The following ADARB2 variants were observed in gnomAD, a reference collection of about 807,000 sequenced individuals.
ADARB2 encodes adenosine deaminase RNA specific B2 (inactive).
A neutral mutation model predicts 62.2 loss-of-function variants in ADARB2; 25 were observed. The ratio of observed to expected loss-of-function variants is 0.40; its 90% confidence interval spans 0.29 to 0.56. The LOEUF (loss-of-function observed/expected upper bound fraction) is 0.56. Ranked by LOEUF, ADARB2 falls within the 20% of genes least tolerant of loss-of-function variation. ADARB2 has a pLI of 0.43. For missense variants in ADARB2, 1,071 were observed against 1,077.4 expected (o/e 0.99, Z 0.08); for synonymous variants, 572 against 500.8 (o/e 1.14, Z -1.90).
chr10:1,498,430 GGAAAA>G (rs759319038), intron 1 of ADARB2, among the ~76,000 whole-genome samples: 5 of 151,232 alleles, frequency 3.3e-5, no homozygotes, highest in East Asian at 1.9e-4. Context: ...TAAAAACAAA[GGAAAA>G]GAAAAGAAAA....
chr10:1,472,165 G>A (rs1457504384), intron 1 of ADARB2, among the ~76,000 whole-genome samples: 4 of 152,176 alleles, frequency 2.6e-5, no homozygotes, highest in African/African-American at 9.7e-5. Flanking sequence ...CTTCTTTACA[G>A]CAAACTCATG....
At chr10:1,454,233 G>C (rs770239189) in intron 1 of ADARB2, among the ~76,000 whole-genome samples, 2 of 152,154 alleles carry the variant, frequency 1.3e-5, no homozygotes, top group African/African-American at 2.4e-5. Context: ...GCATGGGAAA[G>C]ACCCACCCCC....
At chr10:1,313,394 G>A (rs1831709463) in intron 3 of ADARB2, among the ~76,000 whole-genome samples, 1 of 152,220 alleles carries the variant, frequency 6.6e-6, no homozygotes, top group South Asian at 2.1e-4. Context: ...ATGGCAGAAT[G>A]TTCATGAGGC....
rs549762529 is a variant in ADARB2 at position 1,310,776 on chromosome 10, C to G, written c.1078-39707G>C. 7.9e-5 allele frequency among the ~76,000 whole-genome samples: 12 copies of G among 152,306 alleles called. No homozygotes were observed. In the East Asian group the frequency reaches 1.7e-3, roughly 22 times the overall value. On this transcript the variant is annotated intron_variant, in intron 3 of 9. Coordinates refer to ENST00000381312, the MANE Select transcript of ADARB2 (RefSeq NM_018702.4). ...AATCTCCTGTCCCGTTTCACTCTGACTCTCGTTTCCCCAAGGAAGAGGCAG... is the reference window on the plus strand; with the variant it reads ...AATCTCCTGTCCCGTTTCACTCTGAGTCTCGTTTCCCCAAGGAAGAGGCAG...
chr10:1,362,272 G>T (rs1207137574), intron 3 of ADARB2, among the ~76,000 whole-genome samples: 2 of 152,204 alleles, frequency 1.3e-5, no homozygotes, highest in East Asian at 3.8e-4. Flanking sequence ...CGGGCTCTTG[G>T]GCCCCTGTGC....
At chr10:1,204,230 C>T (rs1050029496) in intron 7 of ADARB2, among the ~76,000 whole-genome samples, 1 of 152,180 alleles carries the variant, frequency 6.6e-6, no homozygotes, top group African/African-American at 2.4e-5. Context: ...GCCACTCAGA[C>T]CTATTCTGGG....
At chr10:1,552,040 G>A (rs536051205) in intron 1 of ADARB2, among the ~76,000 whole-genome samples, 49 of 152,178 alleles carry the variant, frequency 3.2e-4, no homozygotes, top group Middle Eastern at 3.4e-3. Flanking sequence ...CCCTCCTCCC[G>A]CATGTGGCCT....
chr10:1,327,625 C>T (rs1198893764), intron 3 of ADARB2, among the ~76,000 whole-genome samples: 12 of 95,464 alleles, frequency 1.3e-4, no homozygotes, highest in South Asian at 6.2e-4. Context: ...CAGCGCCTCC[C>T]CACGGCACAG....
chr10:1,589,032 C>T (rs950227279), intron 1 of ADARB2, among the ~76,000 whole-genome samples: 1 of 152,194 alleles, frequency 6.6e-6, no homozygotes, highest in African/African-American at 2.4e-5. Flanking sequence ...CGACCTAAGG[C>T]TCTTTGTCTT....
chr10:1,470,106 T>A (rs1831302038), intron 1 of ADARB2, among the ~76,000 whole-genome samples: 1 of 152,176 alleles, frequency 6.6e-6, no homozygotes, highest in Non-Finnish European at 1.5e-5. Flanking sequence ...CCCAGGGTCA[T>A]CTGACCTGAC....
At chr10:1,500,787 A>AT (rs1247644790) in intron 1 of ADARB2, among the ~76,000 whole-genome samples, 6 of 152,224 alleles carry the variant, frequency 3.9e-5, no homozygotes, top group Admixed American at 3.9e-4. Flanking sequence ...CAATCATGGG[A>AT]TAAAAACAAA....
chr10:1,537,342 G>T (rs1164314505), intron 1 of ADARB2, among the ~76,000 whole-genome samples: 1 of 152,188 alleles, frequency 6.6e-6, no homozygotes, highest in African/African-American at 2.4e-5. Context: ...GGAGAAATTG[G>T]AACACTTTTA....
At chr10:1,683,858 C>T (rs936141714) in intron 1 of ADARB2, among the ~76,000 whole-genome samples, 1 of 152,134 alleles carries the variant, frequency 6.6e-6, no homozygotes, top group Non-Finnish European at 1.5e-5. Flanking sequence ...AGTCCGAGGC[C>T]GGATGTGAGG....
chr10:1,345,573 G>A (rs187353812), intron 3 of ADARB2, among the ~76,000 whole-genome samples: 94 of 152,272 alleles, frequency 6.2e-4, no homozygotes, highest in African/African-American at 2.0e-3. Context: ...TCATGCACAC[G>A]GCTCTGCTGG....
rs552258400 is a variant in ADARB2, at chr10:1,300,331, G to A, written c.1078-29262C>T. Among the ~76,000 whole-genome samples, 15 of 151,858 alleles carry A rather than the reference G, an allele frequency of 9.9e-5. No individual in the cohort carries two copies. In the South Asian group the frequency reaches 3.1e-3, roughly 32 times the overall value. On this transcript the variant is annotated intron_variant, in intron 3 of 9. Coordinates refer to ENST00000381312, the MANE Select transcript of ADARB2 (RefSeq NM_018702.4). ...GGATGGTTCTTCCACATCCCCTCCT[G>A]TTCCTACAGTGACGGCTGCTCCCAG...
chr10:1,549,320 T>A (rs891050171), intron 1 of ADARB2, among the ~76,000 whole-genome samples: 4 of 152,096 alleles, frequency 2.6e-5, no homozygotes, highest in Non-Finnish European at 5.9e-5. Context: ...CTCAAAAAAA[T>A]TCGACTGTCT....
At chr10:1,403,200 CT>C (rs897912208) in intron 1 of ADARB2, among the ~76,000 whole-genome samples, 4 of 152,248 alleles carry the variant, frequency 2.6e-5, no homozygotes, top group African/African-American at 9.6e-5. Context: ...CGCTGCTCAA[CT>C]TTTCAGTTCC....
At chr10:1,569,265 A>C (rs571365552) in intron 1 of ADARB2, among the ~76,000 whole-genome samples, 162 of 151,878 alleles carry the variant, frequency 1.1e-3, no homozygotes, top group Non-Finnish European at 1.9e-3. Context: ...ACAGAGAGCG[A>C]GAGAGAGAGA....
At chr10:1,693,259 C>T (rs973864893) in intron 1 of ADARB2, among the ~76,000 whole-genome samples, 1 of 152,132 alleles carries the variant, frequency 6.6e-6, no homozygotes, top group Admixed American at 6.6e-5. Context: ...GCTTCATTTT[C>T]CACATGAACA....
Sources: gnomAD v4.1 joint callset for allele counts (sites outside exome capture counted in the v4.1 genomes callset) on GRCh38, gnomAD v4.1.1 for gene constraint, MANE v1.5 for transcripts, NCBI Gene and HGNC (gene_info 2026-07-23, HGNC 2026-07-21) for gene names.